Variants in RBM25 observed in about 807,000 individuals in gnomAD.
RBM25 encodes the protein RNA binding motif protein 25, also known as RNA-binding protein 25.
RBM25 carries 19 observed loss-of-function variants against 120.7 expected under a neutral mutation model. The ratio of observed to expected loss-of-function variants is 0.16; its 90% CI spans 0.11 to 0.23. RBM25 has a LOEUF of 0.23. RBM25 is among the 10% of genes least tolerant of loss of function. RBM25 has a pLI of 1.00. For missense variants in RBM25, 605 were observed against 1,041.5 expected (o/e 0.58, Z 5.77); for synonymous variants, 390 against 326.7 (o/e 1.19, Z -2.09).
At position 73,070,872 on chromosome 14, in the gene RBM25, AGGAGGT is replaced by A. The variant is rs1418283019; in HGVS notation, c.-15-750_-15-745del. On this transcript the variant is annotated intron_variant, in intron 1 of 18. Transcript: ENST00000261973. ...TGAGGCAGGAGAATTGCTTGAACCC[AGGAGGT>A]GGAGATTGCAGTAAGCCAAGATTGC... 2.0e-5 allele frequency among the ~76,000 whole-genome samples: 3 copies of A among 147,580 alleles called. No individual in the cohort carries two copies. The East Asian group carries it at 6.1e-4, about 30-fold the overall frequency.
Position 73,122,361 on chromosome 14 carries a change from C to T in RBM25, c.*2556C>T, listed in dbSNP as rs539384337. On this transcript the variant is annotated 3_prime_UTR_variant, in exon 19 of 19. Transcript: ENST00000261973. ...CGCGAGCTCAGCTCACTTCAACTTC[C>T]GCCTCCCGGGTTCTGGAGATATTCT... 2 of 151,546 alleles carry T rather than the reference C, an allele frequency of 1.3e-5. No homozygotes were observed. The highest frequency in any genetic ancestry group is 4.8e-5 in the African/African-American group (2 of 41,274). The allele number at this position is 151,546 out of a possible 1,614,324, so 9.4% of individuals were successfully genotyped here. A position where few individuals can be genotyped will look rare whatever the true frequency, so the allele number is the denominator to read the frequency against.
At chr14:73,095,118 C>T (rs1469169086) in intron 6 of RBM25, among the ~76,000 whole-genome samples, 6 of 152,012 alleles carry the variant, frequency 3.9e-5, no homozygotes, top group African/African-American at 4.8e-5. Flanking sequence ...CCTCCCAAAG[C>T]GCTGGGTTGC....
chr14:73,094,828 T>C (rs1441320946), intron 6 of RBM25, among the ~76,000 whole-genome samples: 1 of 134,120 alleles, frequency 7.5e-6, no homozygotes, highest in Non-Finnish European at 1.8e-5. Context: ...TGTGTGTGTG[T>C]GTGTGTGTGT....
intron 1 of RBM25, among the ~76,000 whole-genome samples, chr14:73,069,397 C>T (rs1276334967): frequency 6.6e-6 from 1 of 152,134 alleles, no homozygotes; most frequent in African/African-American, 2.4e-5. Context: ...TATGTTTTCT[C>T]TTTTTATGTT....
intron 10 of RBM25, among the ~76,000 whole-genome samples, chr14:73,104,625 C>T (rs1896141346): frequency 6.6e-6 from 1 of 152,094 alleles, no homozygotes; most frequent in South Asian, 2.1e-4. Flanking sequence ...CCTCAGCCTC[C>T]CAAAGTGCTG....
chr14:73,110,304 G>T (rs214290), intron 14 of RBM25, among the ~76,000 whole-genome samples: 2 of 151,794 alleles, frequency 1.3e-5, no homozygotes, highest in African/African-American at 4.8e-5. Flanking sequence ...CCTCTACCTC[G>T]TGAGTATCTG....
chr14:73,065,619 C>T (rs916200378), intron 1 of RBM25, among the ~76,000 whole-genome samples: 2 of 150,954 alleles, frequency 1.3e-5, no homozygotes, highest in African/African-American at 2.4e-5. Context: ...GGGGTTTCGC[C>T]GTGTTGGCCA....
chr14:73,107,664 C>T (rs1896219493), intron 12 of RBM25, 162 bp from the exon 13 acceptor site: 6 of 590,508 alleles, frequency 1.0e-5, no homozygotes, highest in East Asian at 3.1e-5. Context: ...TTTATTGAAA[C>T]GGCCATGTTT....
At chr14:73,090,445 C>T (rs915239554) in intron 6 of RBM25, among the ~76,000 whole-genome samples, 5 of 152,196 alleles carry the variant, frequency 3.3e-5, no homozygotes, top group Non-Finnish European at 4.4e-5. Flanking sequence ...ACTGCATGTA[C>T]CTCCACAGTC....
chr14:73,099,564 C>T, intron 8 of RBM25, 103 bp from the exon 9 acceptor site: 2 of 1,583,770 alleles, frequency 1.3e-6, no homozygotes, highest in Non-Finnish European at 1.7e-6. Context: ...ATTCTGTTTA[C>T]TTATTTACTC....
intron 14 of RBM25, among the ~76,000 whole-genome samples, chr14:73,110,400 T>G (rs1896285895): frequency 6.6e-6 from 1 of 151,926 alleles, no homozygotes. Flanking sequence ...TACCCAGGAT[T>G]GAGCCACTGC....
intron 1 of RBM25, among the ~76,000 whole-genome samples, chr14:73,060,520 C>T (rs561926387): frequency 7.3e-5 from 11 of 151,606 alleles, no homozygotes; most frequent in Non-Finnish European, 1.6e-4. Context: ...GCAAAGGAAT[C>T]ATTTATCAAT....
intron 14 of RBM25, among the ~76,000 whole-genome samples, chr14:73,110,073 C>T (rs1896277369): frequency 6.6e-6 from 1 of 151,540 alleles, no homozygotes; most frequent in East Asian, 2.0e-4. Flanking sequence ...TTAGTGGCGA[C>T]GGGGTTTTAC....
chr14:73,082,920 AC>A (rs1459160370), intron 4 of RBM25, among the ~76,000 whole-genome samples: 2 of 150,732 alleles, frequency 1.3e-5, no homozygotes, highest in Admixed American at 6.6e-5. Flanking sequence ...AAAAAAAAAA[AC>A]AAAAAACAAT....
rs1001515816 is a variant in RBM25 at position 73,096,490 on chromosome 14, T to C, written c.544-425T>C. ...TTTTTGTTTGTTTGTTTAATCTACA[T>C]ACAATTTTGCTTTTTCTGAGTGGTA... On this transcript the variant is annotated intron_variant, in intron 6 of 18. Coordinates refer to ENST00000261973, the MANE Select transcript of RBM25 (RefSeq NM_021239.3). 6.7e-4 allele frequency among the ~76,000 whole-genome samples: 102 copies of C among 152,224 alleles called. 4 individuals carry two copies. The highest frequency in any genetic ancestry group is 1.5e-5 in the Non-Finnish European group (1 of 68,040).
rs1896530090 is a variant in RBM25, at chr14:73,120,939, GA to G, written c.*1136del. ...TATTTGTTTTCATTTTTGTCTTGTA[GA>G]AGGTTTATATCTTGTTTTACCTTGG... On this transcript the variant is annotated 3_prime_UTR_variant, in exon 19 of 19. Coordinates refer to ENST00000261973, the MANE Select transcript of RBM25 (RefSeq NM_021239.3). The G allele has an allele frequency of 6.6e-6, 1 of 152,162 alleles. No homozygotes were observed. The highest frequency in any genetic ancestry group is 2.4e-5 in the African/African-American group (1 of 41,452). The allele number at this position is 152,162 out of a possible 1,614,324, so 9.4% of individuals were successfully genotyped here. A position where few individuals can be genotyped will look rare whatever the true frequency, so the allele number is the denominator to read the frequency against.
rs1206286278 is a variant in RBM25, at chr14:73,119,710, T to C, written c.2440-3T>C. ...ATGTGTTGCTGTTTTGTTTCCTCTTTAGGTACTTGATGAAGAAGCAGAAGT... is the reference window on the plus strand; with the variant it reads ...ATGTGTTGCTGTTTTGTTTCCTCTTCAGGTACTTGATGAAGAAGCAGAAGT... On this transcript the variant is annotated splice_region_variant and splice_polypyrimidine_tract_variant and intron_variant, in intron 18 of 18. Coordinates refer to ENST00000261973, the MANE Select transcript of RBM25 (RefSeq NM_021239.3). 5 of 1,611,750 alleles carry C rather than the reference T, an allele frequency of 3.1e-6. No individual in the cohort carries two copies. Among genetic ancestry groups the C allele is most frequent in the African/African-American group, 2.7e-5 (2 of 74,816 alleles).
intron 18 of RBM25, among the ~76,000 whole-genome samples, chr14:73,118,596 A>G (rs977903807): frequency 2.0e-5 from 3 of 152,150 alleles, no homozygotes; most frequent in Non-Finnish European, 4.4e-5. Flanking sequence ...CTTTATGAAA[A>G]GCGTATGGTT....
At chr14:73,080,328 A>ATTCTC (rs1198891907) in intron 4 of RBM25, among the ~76,000 whole-genome samples, 2 of 141,636 alleles carry the variant, frequency 1.4e-5, no homozygotes, top group African/African-American at 5.4e-5. Flanking sequence ...GGTTCATGAC[A>ATTCTC]TTCTCCTGCC....
Sources: allele counts gnomAD v4.1 joint callset (sites outside exome capture counted in the v4.1 genomes callset), GRCh38; gene constraint gnomAD v4.1.1; transcripts MANE v1.5; gene names NCBI Gene and HGNC (gene_info 2026-07-23, HGNC 2026-07-21).